The following DOK6 variants were observed in gnomAD, a reference collection of about 807,000 sequenced individuals.
DOK6 encodes the protein downstream of tyrosine kinase 6.
In DOK6, 22 loss-of-function variants were observed where a neutral mutation model predicts 44.0. The ratio of observed to expected loss-of-function variants is 0.50; its 90% CI spans 0.36 to 0.71. DOK6 has a LOEUF of 0.71. DOK6 is among the 30% of genes least tolerant of loss of function. DOK6 has a pLI of 0.00. For synonymous variants in DOK6, 166 were observed against 145.5 expected (o/e 1.14, Z -1.01); for missense variants, 340 against 416.4 (o/e 0.82, Z 1.60).
chr18:69,769,807 A>G (rs1979834470), intron 7 of DOK6, among the ~76,000 whole-genome samples: 1 of 152,120 alleles, frequency 6.6e-6, no homozygotes, highest in African/African-American at 2.4e-5. Flanking sequence ...GTGAGACACT[A>G]AGAGTCAGGA....
intron 2 of DOK6, among the ~76,000 whole-genome samples, chr18:69,565,718 C>T (rs1030425491): frequency 7.2e-5 from 11 of 152,032 alleles, no homozygotes; most frequent in Admixed American, 1.3e-4. Flanking sequence ...GAGAATACAA[C>T]TTTCTGTCCA....
At chr18:69,741,317 G>A (rs981197960) in intron 6 of DOK6, among the ~76,000 whole-genome samples, 1 of 152,210 alleles carries the variant, frequency 6.6e-6, no homozygotes, top group African/African-American at 2.4e-5. Flanking sequence ...GTTAATGCTA[G>A]TAAGAACTAC....
intron 1 of DOK6, among the ~76,000 whole-genome samples, chr18:69,433,979 C>T (rs558304104): frequency 1.3e-5 from 2 of 152,336 alleles, no homozygotes; most frequent in South Asian, 4.1e-4. Context: ...GCCTCAACTA[C>T]AGCAAAATTT....
At chr18:69,814,709 A>T (rs972806136) in intron 7 of DOK6, among the ~76,000 whole-genome samples, 1 of 152,122 alleles carries the variant, frequency 6.6e-6, no homozygotes, top group Non-Finnish European at 1.5e-5. Context: ...AAGGAGAGAG[A>T]GTGCAAGGGG....
intron 1 of DOK6, among the ~76,000 whole-genome samples, chr18:69,433,815 G>C (rs993953118): frequency 2.0e-5 from 3 of 152,156 alleles, no homozygotes; most frequent in Non-Finnish European, 4.4e-5. Flanking sequence ...TCAATAGAGA[G>C]CACAAATATA....
At chr18:69,734,688 A>C (rs961471264) in intron 5 of DOK6, among the ~76,000 whole-genome samples, 7 of 152,218 alleles carry the variant, frequency 4.6e-5, no homozygotes, top group African/African-American at 1.7e-4. Flanking sequence ...TGCAAAACTT[A>C]CAGTGACAAT....
chr18:69,745,876 C>T (rs1978967465), intron 6 of DOK6, among the ~76,000 whole-genome samples: 1 of 152,156 alleles, frequency 6.6e-6, no homozygotes, highest in Non-Finnish European at 1.5e-5. Context: ...TTAACCATCA[C>T]TAAAAATTCA....
chr18:69,484,149 A>G (rs541172313), intron 1 of DOK6, among the ~76,000 whole-genome samples: 2 of 152,160 alleles, frequency 1.3e-5, no homozygotes, highest in South Asian at 4.2e-4. Flanking sequence ...GAGCCTTTCC[A>G]TAAAAAAAAT....
intron 3 of DOK6, among the ~76,000 whole-genome samples, chr18:69,630,625 A>G (rs1490710074): frequency 6.6e-6 from 1 of 152,242 alleles, no homozygotes; most frequent in Non-Finnish European, 1.5e-5. Context: ...GGATAGATAT[A>G]TAATTCTTCT....
chr18:69,833,686 T>C (rs1371323163), intron 7 of DOK6, among the ~76,000 whole-genome samples: 1 of 152,088 alleles, frequency 6.6e-6, no homozygotes, highest in Non-Finnish European at 1.5e-5. Context: ...ATAACCAGAA[T>C]ATATAAATAA....
chr18:69,513,096 C>A (rs1238533151), intron 1 of DOK6, among the ~76,000 whole-genome samples: 3 of 136,112 alleles, frequency 2.2e-5, no homozygotes, highest in African/African-American at 7.5e-5. Context: ...CATTTTATAT[C>A]TATACTTAAA....
chr18:69,465,461 C>G, intron 1 of DOK6, among the ~76,000 whole-genome samples: 6 of 151,532 alleles, frequency 4.0e-5, no homozygotes, highest in Non-Finnish European at 5.9e-5. Context: ...CCCCGCTCCC[C>G]CCACCCCACA....
chr18:69,827,393 T>C (rs1166991236), intron 7 of DOK6, among the ~76,000 whole-genome samples: 2 of 152,084 alleles, frequency 1.3e-5, no homozygotes, highest in African/African-American at 4.8e-5. Flanking sequence ...TATTTACAAA[T>C]ATGAAAGTCA....
intron 1 of DOK6, among the ~76,000 whole-genome samples, chr18:69,494,479 AAAC>A (rs1280049056): frequency 8.6e-5 from 4 of 46,602 alleles, no homozygotes; most frequent in Non-Finnish European, 2.1e-4. Context: ...CTGTCTCAAA[AAAC>A]AAACAAACAA....
At chr18:69,509,516 T>C (rs1375610652) in intron 1 of DOK6, among the ~76,000 whole-genome samples, 3 of 151,734 alleles carry the variant, frequency 2.0e-5, no homozygotes. Flanking sequence ...CGGGCGCCTT[T>C]AGTCCCAGCT....
Position 69,591,681 on chromosome 18 carries a change from A to G in DOK6, c.175-7703A>G, listed in dbSNP as rs1293004038. On this transcript the variant is annotated intron_variant, in intron 2 of 7. Coordinates refer to ENST00000382713, the MANE Select transcript of DOK6 (RefSeq NM_152721.6). ...TAACTGAGTAAATCAGTATTTTCCC[A>G]AAGATCATTCCAAGATGATACAAAA... Among the ~76,000 whole-genome samples, 5 of 152,274 alleles carry G rather than the reference A, an allele frequency of 3.3e-5. No homozygotes were observed. In the East Asian group the frequency reaches 7.7e-4, roughly 24 times the overall value.
At chr18:69,671,085 G>A (rs1263183425) in intron 3 of DOK6, among the ~76,000 whole-genome samples, 1 of 151,950 alleles carries the variant, frequency 6.6e-6, no homozygotes, top group Non-Finnish European at 1.5e-5. Flanking sequence ...TCTCTGGATT[G>A]TTTTAAGCTC....
intron 1 of DOK6, among the ~76,000 whole-genome samples, chr18:69,402,838 A>G (rs12967963): frequency 0.17 from 25,439 of 152,154 alleles, 2,753 homozygotes; most frequent in Non-Finnish European, 0.24. Flanking sequence ...TTTCTTGGGT[A>G]GAAGAAAGCG....
In DOK6 at chr18:69,660,163, G is replaced by T. The variant is rs551845770; in HGVS notation, c.290-17571G>T. On this transcript the variant is annotated intron_variant, in intron 3 of 7. Transcript: ENST00000382713. Reference sequence around the variant, plus strand: ...CAAACAGGGCCCCGACTTTCTTCCTGAAGGCCACTTTTCACGCTTTTCAAA... The same window carrying T: ...CAAACAGGGCCCCGACTTTCTTCCTTAAGGCCACTTTTCACGCTTTTCAAA... 3.9e-5 allele frequency: 6 copies of T among 152,086 alleles called. No individual in the cohort carries two copies. In the East Asian group the frequency reaches 1.2e-3, roughly 30 times the overall value. 9.4% of individuals were successfully genotyped at this position (152,086 alleles called of 1,614,324 possible).
Sources: allele counts gnomAD v4.1 joint callset (sites outside exome capture counted in the v4.1 genomes callset), GRCh38; gene constraint gnomAD v4.1.1; transcripts MANE v1.5; gene names NCBI Gene and HGNC (gene_info 2026-07-23, HGNC 2026-07-21).